Variants in PLCH1 observed in about 807,000 individuals in gnomAD.
PLCH1 encodes the protein phospholipase C eta 1, also known as 1-phosphatidylinositol 4,5-bisphosphate phosphodiesterase eta-1.
PLCH1 carries 60 observed loss-of-function variants against 126.7 expected under a neutral mutation model. That is an observed-to-expected ratio of 0.47 (90% CI 0.38 to 0.59). The LOEUF is 0.59. Ranked by LOEUF, PLCH1 falls within the 20% of genes least tolerant of loss-of-function variation. The pLI is 0.00. For synonymous variants in PLCH1, 719 were observed against 734.9 expected (o/e 0.98, Z 0.35); for missense variants, 1,723 against 2,040.0 (o/e 0.84, Z 2.99).
At chr3:155,730,840 A>G (rs996297786) in intron 1 of PLCH1, among the ~76,000 whole-genome samples, 1 of 152,182 alleles carries the variant, frequency 6.6e-6, no homozygotes. Flanking sequence ...CAGGCAGCAC[A>G]GTGTGGAGAG....
chr3:155,488,164 A>G, intron 20 of PLCH1, 57 bp from the exon 21 acceptor site: 1 of 1,021,916 alleles, frequency 9.8e-7, no homozygotes, highest in Admixed American at 1.8e-5. Flanking sequence ...TGGCTTTCTC[A>G]TGGGTGCAAC....
chr3:155,516,893 G>A (rs1720407182), intron 11 of PLCH1, among the ~76,000 whole-genome samples: 2 of 152,122 alleles, frequency 1.3e-5, no homozygotes, highest in African/African-American at 2.4e-5. Flanking sequence ...GCAGGAACAA[G>A]TAGAGAGGGG....
intron 10 of PLCH1, among the ~76,000 whole-genome samples, chr3:155,542,613 A>G (rs991044288): frequency 2.0e-5 from 3 of 152,192 alleles, no homozygotes; most frequent in African/African-American, 7.2e-5. Context: ...CTGACCCCCA[A>G]GCAGCCTAAC....
intron 11 of PLCH1, among the ~76,000 whole-genome samples, chr3:155,516,922 G>A (rs1720412211): frequency 6.6e-6 from 1 of 152,078 alleles, no homozygotes; most frequent in Admixed American, 6.6e-5. Flanking sequence ...GCACACAGAG[G>A]AGGCGCAACT....
At chr3:155,627,046 A>C (rs893323833) in intron 2 of PLCH1, among the ~76,000 whole-genome samples, 7 of 152,220 alleles carry the variant, frequency 4.6e-5, no homozygotes, top group African/African-American at 1.7e-4. Context: ...CATGGTTAAA[A>C]ACTTAAAAGT....
chr3:155,714,223 T>C (rs532041113), intron 1 of PLCH1, among the ~76,000 whole-genome samples: 346 of 151,772 alleles, frequency 2.3e-3, no homozygotes, highest in African/African-American at 7.8e-3. Context: ...CAAACAAAGT[T>C]GCTCCTTTCT....
chr3:155,459,476 A>G (rs572609692), intron 21 of PLCH1, among the ~76,000 whole-genome samples: 7 of 152,266 alleles, frequency 4.6e-5, no homozygotes, highest in African/African-American at 1.7e-4. Flanking sequence ...TGCTGAGATG[A>G]CTCCTCGAAG....
intron 2 of PLCH1, among the ~76,000 whole-genome samples, chr3:155,668,826 A>G (rs899301377): frequency 2.0e-5 from 3 of 152,130 alleles, no homozygotes; most frequent in African/African-American, 7.2e-5. Flanking sequence ...CAGGAGACAG[A>G]GGTTGCAGTG....
rs552009557 is a variant in PLCH1 at position 155,549,876 on chromosome 3, C to T, written c.1273G>A (p.Gly425Arg). ...ACAGATGACAGGTCCAGTTTGTCTC[C>T]GAATATTCCTTTCAGGTACTGAGCA... ...KIAQYLKGIF[G>R]DKLDLSSVDT... Residue 425 changes from glycine to arginine, a missense_variant, in exon 10 of 23, where the codon GGA becomes AGA. Gly to Arg is a moderately radical substitution (Grantham distance 125). This residue lies in a region of PLCH1 where 776 missense variants were observed against 1,062.9 expected (regional missense o/e 0.73). Transcript: ENST00000460012. 28 of 1,613,688 alleles carry T rather than the reference C, an allele frequency of 1.7e-5. No homozygotes were observed. Among genetic ancestry groups the T allele is most frequent in the East Asian group, 4.5e-5 (2 of 44,876 alleles).
Position 155,537,201 on chromosome 3 carries a change from C to CAAAAAAA in PLCH1, c.1362+12585_1362+12586insTTTTTTT, listed in dbSNP as rs1560128167. ...GCTAGCACTACAAAAAAAAAAAAAA[C>CAAAAAAA]CAAAAAAAAAAAAAAAAAAAAAAAA... On this transcript the variant is annotated intron_variant, in intron 10 of 22. Coordinates refer to ENST00000460012, the MANE Select transcript of PLCH1 (RefSeq NM_014996.4). Among the ~76,000 whole-genome samples the CAAAAAAA allele has an allele frequency of 9.8e-5, 13 of 132,110 alleles. 1 individual carries two copies. The highest frequency in any genetic ancestry group is 3.3e-4 in the African/African-American group (11 of 33,564). 86.7% of individuals were successfully genotyped at this position (132,110 alleles called of 152,430 possible).
In PLCH1 at chr3:155,485,573, T is replaced by C. The variant is rs1321182053; in HGVS notation, c.2757A>G (p.Lys919=). 15 of 1,613,992 alleles carry C rather than the reference T, an allele frequency of 9.3e-6. No homozygotes were observed. The highest frequency in any genetic ancestry group is 1.3e-5 in the Non-Finnish European group (15 of 1,179,988). The change falls in exon 22 of 23, where the codon AAA becomes AAG. Residue 919 remains lysine (K), a synonymous_variant. Coordinates refer to ENST00000460012, the MANE Select transcript of PLCH1 (RefSeq NM_014996.4). Reference sequence around the variant, plus strand: ...AGCCCATTTTGCTCTTTTTCCTGCCTTTGGCTGGGGCGCTAGCTGTGCGTC... The same window carrying C: ...AGCCCATTTTGCTCTTTTTCCTGCCCTTGGCTGGGGCGCTAGCTGTGCGTC... ...ILRRTASAPA[K]GRKKSKMGFQ...
chr3:155,458,108 A>G (rs12633188), intron 21 of PLCH1, among the ~76,000 whole-genome samples: 54,096 of 151,804 alleles, frequency 0.36, 12,233 homozygotes, highest in African/African-American at 0.64. Flanking sequence ...CTGGGAGGCC[A>G]AGGCAGGCAG....
At chr3:155,515,503 C>A (rs909639485) in intron 11 of PLCH1, among the ~76,000 whole-genome samples, 1 of 152,150 alleles carries the variant, frequency 6.6e-6, no homozygotes, top group Non-Finnish European at 1.5e-5. Flanking sequence ...TAGGGGGAAC[C>A]CCAATTATTA....
rs150886008 is a variant in PLCH1, at chr3:155,594,202, T to TA, written c.227-19dup. On this transcript the variant is annotated intron_variant, in intron 3 of 22. Coordinates refer to ENST00000460012, the MANE Select transcript of PLCH1 (RefSeq NM_014996.4). Reference sequence around the variant, plus strand: ...AATAAGTACTGTGAGGAAAATGAGATACACACAGTTATACAGCAGGCAAAG... The same window carrying TA: ...AATAAGTACTGTGAGGAAAATGAGATAACACACAGTTATACAGCAGGCAAAG... The TA allele has an allele frequency of 3.3e-3, 5,258 of 1,608,904 alleles. 157 individuals are homozygous for TA. The African/African-American group carries it at 0.061, about 19-fold the overall frequency.
intron 2 of PLCH1, among the ~76,000 whole-genome samples, chr3:155,650,042 G>A (rs549912993): frequency 6.6e-6 from 1 of 152,152 alleles, no homozygotes; most frequent in East Asian, 1.9e-4. Flanking sequence ...AGGGAGGCGT[G>A]AGGGAGGAGA....
At position 155,673,048 on chromosome 3, in the gene PLCH1, CTTTTTTTTTTTT is replaced by C. The variant is rs66672315; in HGVS notation, c.79+31086_79+31097del. Among the ~76,000 whole-genome samples, 4 of 68,224 alleles carry C rather than the reference CTTTTTTTTTTTT, an allele frequency of 5.9e-5. No homozygotes were observed. The East Asian group carries it at 1.6e-3, about 28-fold the overall frequency. The allele number at this position is 68,224 out of a possible 152,430, so 44.8% of individuals were successfully genotyped here. ...TCCCCAGCTTAAAACCTTCTGTTGC[CTTTTTTTTTTTT>C]TTTTTTTTTTTTTTGGTAATAATGT... On this transcript the variant is annotated intron_variant, in intron 2 of 22. Transcript: ENST00000460012.
intron 2 of PLCH1, among the ~76,000 whole-genome samples, chr3:155,678,429 A>G (rs993485669): frequency 1.3e-5 from 2 of 152,230 alleles, no homozygotes; most frequent in African/African-American, 2.4e-5. Flanking sequence ...CTGTTTGACC[A>G]CAAAGGAGCA....
At chr3:155,461,341 A>T (rs1712716766) in intron 21 of PLCH1, among the ~76,000 whole-genome samples, 1 of 152,200 alleles carries the variant, frequency 6.6e-6, no homozygotes, top group South Asian at 2.1e-4. Flanking sequence ...ATGCAGGGAC[A>T]TATCCTGTGA....
intron 11 of PLCH1, among the ~76,000 whole-genome samples, chr3:155,518,963 C>T (rs1576890017): frequency 6.6e-6 from 1 of 152,226 alleles, no homozygotes; most frequent in Admixed American, 6.5e-5. Context: ...GAATGCTTAA[C>T]ACAAAAGCTA....
Sources: gnomAD v4.1 joint callset for allele counts (sites outside exome capture counted in the v4.1 genomes callset) on GRCh38, gnomAD v4.1.1 for gene constraint, gnomAD v4.1.1 regional missense constraint, MANE v1.5 for transcripts, NCBI Gene and HGNC (gene_info 2026-07-23, HGNC 2026-07-21) for gene names.